The following SLC39A11 variants were observed in gnomAD, a reference collection of about 807,000 sequenced individuals.
SLC39A11 encodes the protein solute carrier family 39 member 11.
A neutral mutation model predicts 36.1 loss-of-function variants in SLC39A11; 33 were observed. The ratio of observed to expected loss-of-function variants is 0.91; its 90% CI spans 0.69 to 1.22. The LOEUF (loss-of-function observed/expected upper bound fraction) is 1.22, where lower values mean the gene tolerates loss of function less well. Ranked by LOEUF, SLC39A11 falls within the 50% of genes most tolerant of loss-of-function variation. SLC39A11 has a pLI of 0.00. For synonymous variants in SLC39A11, 166 were observed against 170.3 expected (o/e 0.97, Z 0.20); for missense variants, 432 against 430.3 (o/e 1.00, Z -0.03).
At chr17:72,683,091 A>G (rs568855687) in intron 7 of SLC39A11, among the ~76,000 whole-genome samples, 3 of 152,340 alleles carry the variant, frequency 2.0e-5, no homozygotes, top group South Asian at 4.1e-4. Flanking sequence ...TGGCTTCTGA[A>G]GGTGCTGCTT....
intron 2 of SLC39A11, 109 bp downstream of exon 2, chr17:73,088,548 T>A (rs2060816717): frequency 1.3e-6 from 1 of 780,440 alleles, no homozygotes; most frequent in African/African-American, 1.7e-5. Flanking sequence ...TGCCTGGGGG[T>A]GTGGCCAGGG....
At chr17:73,018,439 T>A (rs2148563885) in intron 4 of SLC39A11, among the ~76,000 whole-genome samples, 1 of 151,996 alleles carries the variant, frequency 6.6e-6, no homozygotes, top group South Asian at 2.1e-4. Flanking sequence ...TCTCAGCTAC[T>A]CAGAAAGCTG....
chr17:73,061,385 G>C (rs753079532), intron 3 of SLC39A11, among the ~76,000 whole-genome samples: 1 of 152,088 alleles, frequency 6.6e-6, no homozygotes, highest in Non-Finnish European at 1.5e-5. Flanking sequence ...CTCAGAACTC[G>C]TATGAAGAAA....
chr17:72,991,012 C>G (rs1364104257), intron 4 of SLC39A11, among the ~76,000 whole-genome samples: 1 of 152,154 alleles, frequency 6.6e-6, no homozygotes, highest in Non-Finnish European at 1.5e-5. Flanking sequence ...GGCAATCTTT[C>G]AGAAATGTAG....
intron 6 of SLC39A11, among the ~76,000 whole-genome samples, chr17:72,748,881 G>C (rs1015822692): frequency 6.6e-6 from 1 of 152,242 alleles, no homozygotes; most frequent in African/African-American, 2.4e-5. Context: ...TGAATCTGAA[G>C]AAGTATATCT....
At position 73,074,045 on chromosome 17, in the gene SLC39A11, T is replaced by TG. The variant is rs775736509; in HGVS notation, c.147+10762dup. The stretch of plus-strand genomic sequence containing the variant: ...CTTCCCTACCTCTCAGGCAGTAAGA[T>TG]GGAAAAAAAAAAAAAGGTAGCAGCA... On this transcript the variant is annotated intron_variant, in intron 3 of 9. Coordinates refer to ENST00000255559, the MANE Select transcript of SLC39A11 (RefSeq NM_139177.4). Among the ~76,000 whole-genome samples, 47 of 143,530 alleles carry TG rather than the reference T, an allele frequency of 3.3e-4. 1 individual carries two copies. Among genetic ancestry groups the TG allele is most frequent in the Middle Eastern group, 3.6e-3 (1 of 278 alleles). The allele number at this position is 143,530 out of a possible 152,430, so 94.2% of individuals were successfully genotyped here.
chr17:72,856,983 A>T (rs1223365183), intron 5 of SLC39A11, among the ~76,000 whole-genome samples: 4 of 152,238 alleles, frequency 2.6e-5, no homozygotes, highest in Non-Finnish European at 5.9e-5. Flanking sequence ...ATTCTTTTTT[A>T]AAAAACTTTC....
chr17:73,036,893 T>C (rs2058936433), intron 3 of SLC39A11, among the ~76,000 whole-genome samples: 1 of 152,224 alleles, frequency 6.6e-6, no homozygotes, highest in Admixed American at 6.5e-5. Flanking sequence ...TATTCATCCC[T>C]CCTTCCCCGC....
chr17:73,024,242 C>A (rs1406907363), intron 4 of SLC39A11, among the ~76,000 whole-genome samples: 4 of 152,206 alleles, frequency 2.6e-5, no homozygotes, highest in Non-Finnish European at 4.4e-5. Context: ...CTTTCTACAG[C>A]CAGGCAGAAA....
intron 5 of SLC39A11, among the ~76,000 whole-genome samples, chr17:72,850,348 G>A (rs1250270709): frequency 6.6e-6 from 1 of 151,982 alleles, no homozygotes; most frequent in Non-Finnish European, 1.5e-5. Flanking sequence ...CAGCTACTTG[G>A]GAGGCTGAGA....
intron 6 of SLC39A11, among the ~76,000 whole-genome samples, chr17:72,814,838 A>G (rs756900093): frequency 6.6e-6 from 1 of 152,190 alleles, no homozygotes; most frequent in Admixed American, 6.5e-5. Context: ...TTAGGACCCC[A>G]TGAGAACAAT....
chr17:72,981,249 T>C (rs1006540473), intron 4 of SLC39A11, among the ~76,000 whole-genome samples: 5 of 152,216 alleles, frequency 3.3e-5, no homozygotes, highest in African/African-American at 1.2e-4. Flanking sequence ...ATCCACTGTG[T>C]ATTTTTTATT....
At chr17:72,911,467 G>A (rs1359278327) in intron 5 of SLC39A11, among the ~76,000 whole-genome samples, 1 of 151,450 alleles carries the variant, frequency 6.6e-6, no homozygotes, top group Non-Finnish European at 1.5e-5. Flanking sequence ...CACATCTCGT[G>A]GTCTCCCTCA....
chr17:72,746,110 A>G (rs1367553606), intron 6 of SLC39A11, among the ~76,000 whole-genome samples: 1 of 152,178 alleles, frequency 6.6e-6, no homozygotes, highest in Non-Finnish European at 1.5e-5. Flanking sequence ...CTGCATGAGG[A>G]GTGTTCTCTG....
intron 6 of SLC39A11, among the ~76,000 whole-genome samples, chr17:72,778,871 C>A (rs778442884): frequency 5.9e-5 from 9 of 152,184 alleles, no homozygotes; most frequent in African/African-American, 1.2e-4. Context: ...GGCAGAGACT[C>A]AGAATAAACA....
chr17:72,717,446 G>A (rs943500346), intron 7 of SLC39A11, among the ~76,000 whole-genome samples: 9 of 152,036 alleles, frequency 5.9e-5, no homozygotes, highest in African/African-American at 2.2e-4. Flanking sequence ...ATCCTCCCTC[G>A]GCTCTTCCAG....
intron 4 of SLC39A11, among the ~76,000 whole-genome samples, chr17:72,957,482 C>T (rs753751573): frequency 1.3e-5 from 2 of 152,276 alleles, no homozygotes; most frequent in South Asian, 4.1e-4. Flanking sequence ...CCAGTGAGGA[C>T]ACAAGGATAC....
chr17:72,981,306 C>T (rs2088282520), intron 4 of SLC39A11, among the ~76,000 whole-genome samples: 1 of 152,108 alleles, frequency 6.6e-6, no homozygotes, highest in South Asian at 2.1e-4. Context: ...GCACTCAATA[C>T]ACACATATGG....
At chr17:72,775,000 A>AT (rs201297792) in intron 6 of SLC39A11, among the ~76,000 whole-genome samples, 5,108 of 151,854 alleles carry the variant, frequency 0.034, 93 homozygotes, top group Non-Finnish European at 0.044. Context: ...TACAAAGAAA[A>AT]AAAAAAAATA....
Sources: gnomAD v4.1 joint callset for allele counts (sites outside exome capture counted in the v4.1 genomes callset) on GRCh38, gnomAD v4.1.1 for gene constraint, MANE v1.5 for transcripts, NCBI Gene and HGNC (gene_info 2026-07-23, HGNC 2026-07-21) for gene names.